BBS9: variants seen among roughly 807,000 people sequenced by gnomAD.
The protein encoded by BBS9 is Bardet-Biedl syndrome 9, also known as protein PTHB1.
BBS9 carries 89 observed loss-of-function variants against 117.7 expected under a neutral mutation model. The ratio of observed to expected loss-of-function variants is 0.76; its 90% CI spans 0.64 to 0.90. BBS9 has a LOEUF of 0.90. Ranked by LOEUF, BBS9 falls within the 40% of genes least tolerant of loss-of-function variation. The pLI is 0.00. For synonymous variants in BBS9, 379 were observed against 370.9 expected (o/e 1.02, Z -0.25); for missense variants, 982 against 1,042.2 (o/e 0.94, Z 0.80).
intron 21 of BBS9, among the ~76,000 whole-genome samples, chr7:33,584,544 T>A (rs1860561036): frequency 6.6e-6 from 1 of 151,054 alleles, no homozygotes; most frequent in Admixed American, 6.6e-5. Context: ...GGAATCTCTA[T>A]TTTTTTTTGA....
chr7:33,372,362 AG>A (rs1823034608), intron 17 of BBS9, among the ~76,000 whole-genome samples: 1 of 152,160 alleles, frequency 6.6e-6, no homozygotes, highest in South Asian at 2.1e-4. Context: ...AAATCATGAA[AG>A]GATGTTGAAT....
chr7:33,626,390 C>T (rs898363861), intron 21 of BBS9, among the ~76,000 whole-genome samples: 5 of 152,084 alleles, frequency 3.3e-5, no homozygotes, highest in Admixed American at 3.3e-4. Context: ...AAGATTGGTA[C>T]CAGGAATGGG....
intron 19 of BBS9, among the ~76,000 whole-genome samples, chr7:33,449,710 T>G (rs541525772): frequency 7.9e-5 from 12 of 152,150 alleles, no homozygotes; most frequent in Non-Finnish European, 8.8e-5. Context: ...AACAAAACAT[T>G]TAAATGAAAT....
intron 20 of BBS9, among the ~76,000 whole-genome samples, chr7:33,532,948 C>A (rs1445716978): frequency 1.3e-5 from 2 of 152,120 alleles, no homozygotes; most frequent in Non-Finnish European, 2.9e-5. Context: ...CCTTACCAGC[C>A]TTTGTGTACA....
intron 19 of BBS9, among the ~76,000 whole-genome samples, chr7:33,455,273 G>A (rs1219170238): frequency 6.6e-6 from 1 of 152,108 alleles, no homozygotes; most frequent in East Asian, 1.9e-4. Context: ...TGTAGTGGGA[G>A]GGAACACGTA....
intron 20 of BBS9, among the ~76,000 whole-genome samples, chr7:33,508,605 T>C (rs1846469561): frequency 6.6e-6 from 1 of 152,240 alleles, no homozygotes; most frequent in Non-Finnish European, 1.5e-5. Flanking sequence ...TCCCTTTTTA[T>C]ACACGTGCTT....
intron 16 of BBS9, among the ~76,000 whole-genome samples, chr7:33,360,771 C>T (rs1382692300): frequency 6.6e-6 from 1 of 152,062 alleles, no homozygotes; most frequent in Non-Finnish European, 1.5e-5. Flanking sequence ...GTGGTCTTCC[C>T]ATCTTGGGCT....
intron 5 of BBS9, among the ~76,000 whole-genome samples, chr7:33,224,876 G>A (rs1334312138): frequency 6.6e-6 from 1 of 152,212 alleles, no homozygotes; most frequent in African/African-American, 2.4e-5. Context: ...TGAGGCAACA[G>A]TAGCCATTGA....
chr7:33,582,523 T>TGCACAC (rs542378214), intron 21 of BBS9, among the ~76,000 whole-genome samples: 13 of 147,694 alleles, frequency 8.8e-5, no homozygotes, highest in African/African-American at 2.5e-4. Context: ...GTTTCTACAA[T>TGCACAC]ACACACACAC....
intron 19 of BBS9, among the ~76,000 whole-genome samples, chr7:33,492,239 G>T (rs1844082577): frequency 7.0e-6 from 1 of 143,272 alleles, no homozygotes; most frequent in South Asian, 2.3e-4. Flanking sequence ...AAAAAAACTT[G>T]GTTGAGTGTT....
At chr7:33,260,141 A>T (rs771269491) in intron 6 of BBS9, among the ~76,000 whole-genome samples, 12 of 152,004 alleles carry the variant, frequency 7.9e-5, no homozygotes, top group Non-Finnish European at 1.6e-4. Context: ...CTGGGACTAC[A>T]GGCGCATGCT....
At chr7:33,497,295 G>A (rs1844860135) in intron 19 of BBS9, among the ~76,000 whole-genome samples, 2 of 152,162 alleles carry the variant, frequency 1.3e-5, no homozygotes, top group Non-Finnish European at 2.9e-5. Context: ...CTGATTCAGT[G>A]TGTCCAGGAT....
At chr7:33,261,411 G>C (rs534132494) in intron 6 of BBS9, among the ~76,000 whole-genome samples, 2 of 152,304 alleles carry the variant, frequency 1.3e-5, no homozygotes, top group East Asian at 3.9e-4. Context: ...AGTGTATAAA[G>C]AAAGCTTCTG....
intron 5 of BBS9, among the ~76,000 whole-genome samples, chr7:33,193,892 C>G (rs1422905625): frequency 6.6e-6 from 1 of 152,078 alleles, no homozygotes. Context: ...TGTTGCTTCC[C>G]TTGTTTGTAT....
chr7:33,303,796 C>T (rs546990031), intron 9 of BBS9, among the ~76,000 whole-genome samples: 85 of 152,214 alleles, frequency 5.6e-4, no homozygotes, highest in African/African-American at 1.0e-3. Flanking sequence ...GATGGAGTCT[C>T]GCTCACTCAG....
chr7:33,225,612 T>G (rs1156906536), intron 5 of BBS9, among the ~76,000 whole-genome samples: 1 of 152,166 alleles, frequency 6.6e-6, no homozygotes, highest in Non-Finnish European at 1.5e-5. Context: ...TTAGCTTTCT[T>G]GCTTCGTATT....
At chr7:33,357,710 T>C in intron 15 of BBS9, 145 bp from the exon 16 acceptor site, 1 of 804,648 alleles carries the variant, frequency 1.2e-6, no homozygotes. Context: ...GATAATAATT[T>C]ACAGTTATTT....
chr7:33,318,190 T>G (rs1015156584), intron 9 of BBS9, among the ~76,000 whole-genome samples: 1 of 152,248 alleles, frequency 6.6e-6, no homozygotes, highest in African/African-American at 2.4e-5. Flanking sequence ...CTAAAGAGCC[T>G]GAATAATTTA....
rs762045410 is a variant in BBS9, at chr7:33,387,995, C to T, written c.1966C>T (p.Arg656Trp). The change falls in exon 19 of 23, where the codon CGG (arginine) becomes TGG (tryptophan). Residue 656 changes from arginine (R) to tryptophan (W), a missense_variant. Arg to Trp is a moderately radical substitution (Grantham distance 101). Coordinates refer to ENST00000242067, the MANE Select transcript of BBS9 (RefSeq NM_198428.3). ...FELIDHHFEL[R>W]INGEKLEELL... ...TTTAAGAAATTATTCATTGCAGCTACGGATAAATGGTGAAAAATTAGAAGA... is the reference window on the plus strand; with the variant it reads ...TTTAAGAAATTATTCATTGCAGCTATGGATAAATGGTGAAAAATTAGAAGA... 22 of 1,613,760 alleles carry T rather than the reference C, an allele frequency of 1.4e-5. No homozygotes were observed. The highest frequency in any genetic ancestry group is 1.3e-4 in the East Asian group (6 of 44,872).
Sources: gnomAD v4.1 joint callset for allele counts (sites outside exome capture counted in the v4.1 genomes callset) on GRCh38, gnomAD v4.1.1 for gene constraint, MANE v1.5 for transcripts, NCBI Gene and HGNC (gene_info 2026-07-23, HGNC 2026-07-21) for gene names.